CCDC148: variants seen among roughly 807,000 people sequenced by gnomAD.
The protein encoded by CCDC148 is coiled-coil domain containing 148.
CCDC148 carries 89 observed loss-of-function variants against 85.7 expected under a neutral mutation model. That is an observed-to-expected ratio of 1.04 (90% CI 0.87 to 1.24). The LOEUF (loss-of-function observed/expected upper bound fraction) is 1.24, where lower values mean the gene tolerates loss of function less well. CCDC148 is among the 50% of genes most tolerant of loss of function. CCDC148 has a pLI of 0.00. For synonymous variants in CCDC148, 230 were observed against 213.9 expected (o/e 1.08, Z -0.66); for missense variants, 692 against 671.7 (o/e 1.03, Z -0.33).
intron 7 of CCDC148, among the ~76,000 whole-genome samples, chr2:158,321,987 C>T (rs13391270): frequency 0.17 from 25,611 of 152,012 alleles, 3,479 homozygotes; most frequent in African/African-American, 0.38. Flanking sequence ...TCACACATGA[C>T]GGCAATCTCC....
intron 9 of CCDC148, among the ~76,000 whole-genome samples, chr2:158,295,476 T>C (rs1691138396): frequency 6.6e-6 from 1 of 151,550 alleles, no homozygotes; most frequent in Non-Finnish European, 1.5e-5. Flanking sequence ...AAATCCTCAA[T>C]AAAATACTGG....
intron 9 of CCDC148, among the ~76,000 whole-genome samples, chr2:158,300,711 G>A (rs780242044): frequency 2.0e-5 from 3 of 152,186 alleles, no homozygotes; most frequent in African/African-American, 7.2e-5. Flanking sequence ...AAATTGTAAT[G>A]TGTAAAATGG....
At chr2:158,187,730 A>G (rs1267350860) in intron 11 of CCDC148, among the ~76,000 whole-genome samples, 1 of 151,942 alleles carries the variant, frequency 6.6e-6, no homozygotes, top group African/African-American at 2.4e-5. Context: ...TCGTCTGTCT[A>G]CCCAAAGTTC....
chr2:158,335,048 A>G (rs1346506347), intron 7 of CCDC148, among the ~76,000 whole-genome samples: 3 of 152,128 alleles, frequency 2.0e-5, no homozygotes, highest in Non-Finnish European at 1.5e-5. Flanking sequence ...GTTTAAGACA[A>G]TAATTGGACC....
At position 158,436,248 on chromosome 2, in the gene CCDC148, G is replaced by A. The variant is rs143700441; in HGVS notation, c.25+20167C>T. Among the ~76,000 whole-genome samples, 641 of 152,222 alleles carry A rather than the reference G, an allele frequency of 4.2e-3. 6 individuals carry two copies. The highest frequency in any genetic ancestry group is 0.014 in the African/African-American group (568 of 41,530). ...GGAAGTAAAGCACTCCTCAGCAAAC[G>A]TCAAAGAACAGAAATTATAACAAAC... On this transcript the variant is annotated intron_variant, in intron 1 of 13. Transcript: ENST00000283233.
chr2:158,273,602 G>A (rs1383915864), intron 9 of CCDC148, among the ~76,000 whole-genome samples: 6 of 152,092 alleles, frequency 3.9e-5, no homozygotes, highest in Admixed American at 3.3e-4. Flanking sequence ...GCCATCTCCC[G>A]ACGCTCACAA....
intron 10 of CCDC148, among the ~76,000 whole-genome samples, chr2:158,243,824 C>T (rs1386371248): frequency 1.3e-5 from 2 of 151,434 alleles, no homozygotes; most frequent in African/African-American, 4.8e-5. Context: ...ACTTAAATTT[C>T]TTCCTTCTAT....
chr2:158,225,081 T>C (rs1193996621), intron 10 of CCDC148, among the ~76,000 whole-genome samples: 3 of 152,122 alleles, frequency 2.0e-5, no homozygotes, highest in East Asian at 1.9e-4. Context: ...GAGACACACA[T>C]AGGCTCAAAA....
At chr2:158,435,043 A>G (rs934910528) in intron 1 of CCDC148, among the ~76,000 whole-genome samples, 2 of 152,222 alleles carry the variant, frequency 1.3e-5, no homozygotes, top group Non-Finnish European at 2.9e-5. Context: ...ACCAAGTTGG[A>G]AAACACTCTG....
rs557000587 is a variant in CCDC148 at position 158,229,456 on chromosome 2, A to G, written c.1252-8743T>C. ...AATTGTAGGAACTAGTACTAAATTT[A>G]TGGTTTCAATTGAATCTTCAATGAC... On this transcript the variant is annotated intron_variant, in intron 10 of 13. Coordinates refer to ENST00000283233, the MANE Select transcript of CCDC148 (RefSeq NM_138803.4). Among the ~76,000 whole-genome samples the G allele has an allele frequency of 1.9e-4, 29 of 152,300 alleles. 1 individual carries two copies. The South Asian group carries it at 4.1e-3, about 22-fold the overall frequency.
At position 158,252,744 on chromosome 2, in the gene CCDC148, A is replaced by G. The variant is rs118110928; in HGVS notation, c.1111-1832T>C. Among the ~76,000 whole-genome samples, 189 of 151,650 alleles carry G rather than the reference A, an allele frequency of 1.2e-3. 2 individuals carry two copies. The East Asian group carries it at 0.033, about 26-fold the overall frequency. ...TCATTAACCTCCAACCTCTCTATCT[A>G]TGTTCATTATTTGATGTGCTTATCC... On this transcript the variant is annotated intron_variant, in intron 9 of 13. Transcript: ENST00000283233.
At chr2:158,352,075 T>C (rs1178689848) in intron 2 of CCDC148, among the ~76,000 whole-genome samples, 5 of 142,994 alleles carry the variant, frequency 3.5e-5, no homozygotes, top group Admixed American at 1.4e-4. Context: ...AACCCATCTG[T>C]ACATCACCAT....
At chr2:158,324,339 T>C (rs1368486980) in intron 7 of CCDC148, among the ~76,000 whole-genome samples, 1 of 152,194 alleles carries the variant, frequency 6.6e-6, no homozygotes, top group East Asian at 1.9e-4. Flanking sequence ...CTATAAACTA[T>C]TTTGTGGCCT....
intron 1 of CCDC148, among the ~76,000 whole-genome samples, chr2:158,433,278 A>ATATATATATAT (rs1193160417): frequency 3.9e-5 from 5 of 127,616 alleles, no homozygotes; most frequent in Non-Finnish European, 5.5e-5. Flanking sequence ...ATATATATAT[A>ATATATATATAT]AAACAAAAGC....
At chr2:158,337,975 A>G (rs1268098651) in intron 7 of CCDC148, among the ~76,000 whole-genome samples, 1 of 152,170 alleles carries the variant, frequency 6.6e-6, no homozygotes. Flanking sequence ...TCCCTTAAAT[A>G]GTTATCTTTT....
Position 158,373,141 on chromosome 2 carries a change from G to A in CCDC148, c.26-14571C>T, listed in dbSNP as rs549985529. Reference sequence around the variant, plus strand: ...GGAAGGTCAGAATCAGAGATGTGATGACAGAAGCAGAGGTGAGAAAGCAGG... The same window carrying A: ...GGAAGGTCAGAATCAGAGATGTGATAACAGAAGCAGAGGTGAGAAAGCAGG... On this transcript the variant is annotated intron_variant, in intron 1 of 13. Coordinates refer to ENST00000283233, the MANE Select transcript of CCDC148 (RefSeq NM_138803.4). Among the ~76,000 whole-genome samples the A allele has an allele frequency of 2.6e-5, 4 of 152,178 alleles. No individual in the cohort carries two copies. The South Asian group carries it at 8.3e-4, about 32-fold the overall frequency.
intron 11 of CCDC148, among the ~76,000 whole-genome samples, chr2:158,218,530 ACT>A (rs1347112085): frequency 2.6e-5 from 4 of 152,144 alleles, no homozygotes; most frequent in Non-Finnish European, 4.4e-5. Context: ...GACTGAAATG[ACT>A]CTGTAATCAA....
At chr2:158,367,518 C>T (rs1684255200) in intron 1 of CCDC148, among the ~76,000 whole-genome samples, 2 of 152,128 alleles carry the variant, frequency 1.3e-5, no homozygotes, top group Admixed American at 1.3e-4. Context: ...TGCAGATTCC[C>T]TTTTGGCTAC....
In CCDC148 at chr2:158,289,080, A is replaced by T. The variant is rs1690769706; in HGVS notation, c.1110+20353T>A. Among the ~76,000 whole-genome samples the T allele has an allele frequency of 2.6e-5, 4 of 152,338 alleles. No homozygotes were observed. The South Asian group carries it at 8.3e-4, about 32-fold the overall frequency. On this transcript the variant is annotated intron_variant, in intron 9 of 13. Transcript: ENST00000283233. ...TACCTCCCACTGTGTCCCTCCCACA[A>T]CACGTGGGAATTCTGAGAGATACAA... is the stretch of plus-strand genomic sequence containing the variant.
Sources: allele counts gnomAD v4.1 joint callset (sites outside exome capture counted in the v4.1 genomes callset), GRCh38; gene constraint gnomAD v4.1.1; transcripts MANE v1.5; gene names NCBI Gene and HGNC (gene_info 2026-07-23, HGNC 2026-07-21).